ARL13A: variants seen among roughly 807,000 people sequenced by gnomAD.
ARL13A encodes ADP-ribosylation factor-like protein 13A.
Under a neutral mutation model 19.1 loss-of-function variants are expected in ARL13A, and 16 were observed. That is an observed-to-expected ratio of 0.84 (90% CI 0.57 to 1.27). The LOEUF (loss-of-function observed/expected upper bound fraction) is 1.27, where lower values mean the gene tolerates loss of function less well. Among genes scored for constraint, ARL13A ranks in the 50% most tolerant of loss-of-function variants. The pLI is 0.00. For missense variants in ARL13A, 153 were observed against 186.4 expected (o/e 0.82, Z 1.04); for synonymous variants, 69 against 71.3 (o/e 0.97, Z 0.17).
chrX:100,973,439 G>A (rs774303173), intron 1 of ARL13A, among the ~76,000 whole-genome samples: 9 of 106,999 alleles, frequency 8.4e-5, no homozygotes, highest in African/African-American at 2.0e-4. Context: ...GCTCGCCGGC[G>A]CGGCGGCAAA....
intron 3 of ARL13A, among the ~76,000 whole-genome samples, chrX:100,981,429 C>T (rs2085852637): frequency 9.0e-6 from 1 of 110,677 alleles, no homozygotes; most frequent in Non-Finnish European, 1.9e-5. Context: ...CCATGTGGTG[C>T]TGCCAGGGGA....
intron 5 of ARL13A, among the ~76,000 whole-genome samples, chrX:100,987,152 C>T (rs2085946765): frequency 8.9e-6 from 1 of 112,242 alleles, no homozygotes; most frequent in South Asian, 3.7e-4. Context: ...CTCTACGTGA[C>T]TTGCTCAAGG....
Position 100,987,429 on chromosome X carries a change from C to A in ARL13A, c.526C>A (p.His176Asn). The A allele has an allele frequency of 8.3e-7, 1 of 1,211,043 alleles. No homozygotes were observed. The highest frequency in any genetic ancestry group is 1.1e-6 in the Non-Finnish European group (1 of 895,274). Residue 176 changes from histidine (H) to asparagine (N), a missense_variant, in exon 6 of 8, where the codon CAT becomes AAT. Coordinates refer to ENST00000450049, the MANE Select transcript of ARL13A (RefSeq NM_001162491.2). The part of the protein sequence containing the change: ...SAIRNLERRN[H>N]QPIVEGLRWL... Reference sequence around the variant, plus strand: ...CATCAGAAACCTTGAAAGAAGAAACCATCAGCCCATAGTTGAAGGACTGCG... The same window carrying A: ...CATCAGAAACCTTGAAAGAAGAAACAATCAGCCCATAGTTGAAGGACTGCG...
intron 3 of ARL13A, among the ~76,000 whole-genome samples, chrX:100,979,479 C>T (rs1211178123): frequency 1.8e-5 from 2 of 112,043 alleles, no homozygotes; most frequent in Non-Finnish European, 3.8e-5. Flanking sequence ...CTTTGTTAAA[C>T]TTATCTGATA....
Position 100,981,808 on chromosome X carries a change from C to CA in ARL13A, c.131-3852dup, listed in dbSNP as rs749764118. 9.5e-5 allele frequency among the ~76,000 whole-genome samples: 10 copies of CA among 104,980 alleles called. No individual in the cohort carries two copies. In the East Asian group the frequency reaches 2.7e-3, roughly 28 times the overall value. The allele number at this position is 104,980 out of a possible 115,157, so 91.2% of individuals were successfully genotyped here. On this transcript the variant is annotated intron_variant, in intron 3 of 7. Coordinates refer to ENST00000450049, the MANE Select transcript of ARL13A (RefSeq NM_001162491.2). ...TGGATGACAGAGTGAGACCCTGTCT[C>CA]AAAAAAAGAAAAAAATACAGATGTT...
chrX:100,973,500 C>A (rs760975635), intron 1 of ARL13A, among the ~76,000 whole-genome samples, 176 bp from the exon 2 acceptor site: 1 of 110,931 alleles, frequency 9.0e-6, no homozygotes, highest in African/African-American at 3.3e-5. Context: ...GGCGGTCGGG[C>A]GGCGGCGGCT....
intron 7 of ARL13A, among the ~76,000 whole-genome samples, chrX:100,989,590 C>T (rs56106184): frequency 5.5e-4 from 56 of 102,489 alleles, no homozygotes; most frequent in Non-Finnish European, 8.7e-4. Flanking sequence ...AGCCTGGCAA[C>T]AGAGCGGGAC....
chrX:100,976,580 T>C lies in ARL13A; in HGVS notation c.130+2383T>C, dbSNP rs184052872. ...CCAAAATTGAATAATTCACCTCCCT[T>C]GTCCCTGCAAATGTTTTTGTTGTTG... On this transcript the variant is annotated intron_variant, in intron 3 of 7. Transcript: ENST00000450049. 1.2e-4 allele frequency among the ~76,000 whole-genome samples: 14 copies of C among 112,001 alleles called. No individual in the cohort carries two copies. The East Asian group carries it at 3.7e-3, about 29-fold the overall frequency.
At position 100,988,296 on chromosome X, in the gene ARL13A, T is replaced by C; in HGVS notation, c.744+13T>C. ...GTCAATCCTACAGGTAAATGGCCCT[T>C]TAAATGTTAATATTCAGTGACCAAT... On this transcript the variant is annotated intron_variant, in intron 7 of 7. Coordinates refer to ENST00000450049, the MANE Select transcript of ARL13A (RefSeq NM_001162491.2). The C allele has an allele frequency of 8.3e-7, 1 of 1,206,268 alleles. No homozygotes were observed. The highest frequency in any genetic ancestry group is 1.1e-6 in the Non-Finnish European group (1 of 891,903).
rs183952280 is a variant in ARL13A, at chrX:100,978,901, A to G, written c.130+4704A>G. Among the ~76,000 whole-genome samples the G allele has an allele frequency of 4.8e-4, 53 of 110,535 alleles. 1 individual carries two copies. In the East Asian group the frequency reaches 0.011, roughly 22 times the overall value. ...CCATGGGGCTTGCAAATAACATCTT[A>G]TAACCCATTTTTTTTTAATATTCAC... On this transcript the variant is annotated intron_variant, in intron 3 of 7. Coordinates refer to ENST00000450049, the MANE Select transcript of ARL13A (RefSeq NM_001162491.2).
chrX:100,987,368 C>G, intron 5 of ARL13A, 22 bp from the exon 6 acceptor site: 1 of 1,206,537 alleles, frequency 8.3e-7, no homozygotes, highest in Non-Finnish European at 1.1e-6. Context: ...GGTCTGCAGC[C>G]TTCTCTTCTC....
rs55947893 is a variant in ARL13A, at chrX:100,988,851, C to CATATATATATAT, written c.744+587_744+598dup. 9.0e-4 allele frequency among the ~76,000 whole-genome samples: 72 copies of CATATATATATAT among 79,664 alleles called. 1 individual carries two copies. Among genetic ancestry groups the CATATATATATAT allele is most frequent in the African/African-American group, 2.2e-3 (44 of 20,318 alleles). 69.2% of individuals were successfully genotyped at this position (79,664 alleles called of 115,157 possible). The stretch of plus-strand genomic sequence containing the variant: ...TATATATATATGAGATAATATATCT[C>CATATATATATAT]ATATATATATATATATATATATATA... On this transcript the variant is annotated intron_variant, in intron 7 of 7. Transcript: ENST00000450049.
chrX:100,982,897 G>A (rs1444688265), intron 3 of ARL13A, among the ~76,000 whole-genome samples: 1 of 110,648 alleles, frequency 9.0e-6, no homozygotes, highest in Non-Finnish European at 1.9e-5. Flanking sequence ...TGGTACTCAA[G>A]CTTTAAAGTG....
At chrX:100,977,448 T>G (rs908346882) in intron 3 of ARL13A, among the ~76,000 whole-genome samples, 3 of 101,120 alleles carry the variant, frequency 3.0e-5, no homozygotes, top group African/African-American at 7.4e-5. Context: ...TGGCACGATC[T>G]CGGCTCACTG....
intron 3 of ARL13A, among the ~76,000 whole-genome samples, chrX:100,984,144 A>C (rs1602461641): frequency 1.1e-5 from 1 of 94,754 alleles, no homozygotes; most frequent in African/African-American, 4.0e-5. Flanking sequence ...ATGGAGTTTC[A>C]CTCTTGTCCC....
At chrX:100,970,560 T>C (rs921687897) in intron 1 of ARL13A, among the ~76,000 whole-genome samples, 4 of 112,177 alleles carry the variant, frequency 3.6e-5, no homozygotes, top group Non-Finnish European at 5.6e-5. Flanking sequence ...CTCAGTAAAC[T>C]CGGGGGAAAT....
At chrX:100,977,633 G>A (rs1215615304) in intron 3 of ARL13A, among the ~76,000 whole-genome samples, 4 of 110,833 alleles carry the variant, frequency 3.6e-5, no homozygotes, top group African/African-American at 9.9e-5. Context: ...TGCCTGCCTC[G>A]GCCTCCCAAA....
chrX:100,990,124 A>C (rs1183232007), intron 7 of ARL13A, among the ~76,000 whole-genome samples: 3 of 112,085 alleles, frequency 2.7e-5, no homozygotes, highest in Non-Finnish European at 3.8e-5. Context: ...CCTATAGTTA[A>C]TACTACTTAA....
At position 100,985,925 on chromosome X, in the gene ARL13A, C is replaced by T. The variant is rs2085929716; in HGVS notation, c.380+9C>T. 1.7e-6 allele frequency: 2 copies of T among 1,196,495 alleles called. No individual in the cohort carries two copies. Among genetic ancestry groups the T allele is most frequent in the Admixed American group, 4.5e-5 (2 of 44,637 alleles). On this transcript the variant is annotated intron_variant, in intron 4 of 7. Coordinates refer to ENST00000450049, the MANE Select transcript of ARL13A (RefSeq NM_001162491.2). ...GGGAAACCCATCTTAATGTAAGATT[C>T]TGCCTTTCTGTCCTATTTCTGCTTC...
Sources: gnomAD v4.1 joint callset for allele counts (sites outside exome capture counted in the v4.1 genomes callset) on GRCh38, gnomAD v4.1.1 for gene constraint, MANE v1.5 for transcripts, NCBI Gene and HGNC (gene_info 2026-07-23, HGNC 2026-07-21) for gene names.